The following NAV3 variants were observed in gnomAD, a reference collection of about 807,000 sequenced individuals.
NAV3 encodes the protein pore membrane and/or filament interacting like protein 1.
A neutral mutation model predicts 244.7 loss-of-function variants in NAV3; 87 were observed. That is an observed-to-expected ratio of 0.36 (90% CI 0.30 to 0.42). NAV3 has a LOEUF of 0.42. NAV3 is among the 20% of genes least tolerant of loss of function. The probability of loss-of-function intolerance (pLI) is 1.00; values close to 1 mark genes in which losing one functional copy is unlikely to be tolerated. For missense variants in NAV3, 2,663 were observed against 2,893.3 expected (o/e 0.92, Z 1.83); for synonymous variants, 1,126 against 1,042.2 (o/e 1.08, Z -1.55).
chr12:77,899,312 T>C (rs1884986406), intron 1 of NAV3, among the ~76,000 whole-genome samples: 1 of 152,228 alleles, frequency 6.6e-6, no homozygotes, highest in South Asian at 2.1e-4. Flanking sequence ...CATTGCATGC[T>C]GCAGAGAACT....
chr12:77,704,449 T>A (rs1168116904), intron 2 of NAV3, among the ~76,000 whole-genome samples: 1 of 152,186 alleles, frequency 6.6e-6, no homozygotes, highest in Non-Finnish European at 1.5e-5. Context: ...CAGCCCTGAT[T>A]CCTACTTGCT....
At chr12:77,732,306 G>A (rs902241014) in intron 2 of NAV3, among the ~76,000 whole-genome samples, 1 of 151,862 alleles carries the variant, frequency 6.6e-6, no homozygotes, top group Admixed American at 6.6e-5. Context: ...GACTTAAGAA[G>A]GGAGGTAGAC....
At chr12:78,160,208 C>T (rs550592255) in intron 23 of NAV3, among the ~76,000 whole-genome samples, 5 of 152,096 alleles carry the variant, frequency 3.3e-5, no homozygotes, top group South Asian at 4.2e-4. Context: ...AAGAAAGGAA[C>T]GGAGAATTTA....
chr12:77,736,291 C>T (rs896499800), intron 2 of NAV3, among the ~76,000 whole-genome samples: 9 of 152,304 alleles, frequency 5.9e-5, no homozygotes, highest in African/African-American at 2.2e-4. Context: ...CTTTCCGGAG[C>T]CAGAAGCAAA....
chr12:77,841,102 G>A (rs1052058883), intron 1 of NAV3, among the ~76,000 whole-genome samples: 24 of 152,140 alleles, frequency 1.6e-4, no homozygotes, highest in South Asian at 1.0e-3. Context: ...GATATCTGTG[G>A]TAGAGTTCAT....
At chr12:78,116,463 T>C (rs958978377) in intron 12 of NAV3, among the ~76,000 whole-genome samples, 1 of 152,192 alleles carries the variant, frequency 6.6e-6, no homozygotes, top group African/African-American at 2.4e-5. Context: ...AAGTCAGCTG[T>C]AATATTATTC....
At chr12:77,977,491 GA>G (rs1479654414) in intron 5 of NAV3, among the ~76,000 whole-genome samples, 1 of 61,144 alleles carries the variant, frequency 1.6e-5, no homozygotes, top group Admixed American at 2.0e-4. Context: ...GTAAAACCTG[GA>G]TATTAAAACT....
At chr12:78,168,687 A>C in intron 23 of NAV3, 68 bp from the exon 24 acceptor site, 2 of 998,912 alleles carry the variant, frequency 2.0e-6, no homozygotes, top group Non-Finnish European at 3.0e-6. Flanking sequence ...TTTTTAATTC[A>C]ACTATGAGCA....
intron 1 of NAV3, among the ~76,000 whole-genome samples, chr12:77,939,707 T>G (rs1889681353): frequency 6.6e-6 from 1 of 152,190 alleles, no homozygotes; most frequent in African/African-American, 2.4e-5. Flanking sequence ...CACTTCTGAA[T>G]TCTACATTGT....
intron 2 of NAV3, among the ~76,000 whole-genome samples, chr12:77,798,147 G>A (rs1304859953): frequency 6.8e-6 from 1 of 147,136 alleles, no homozygotes; most frequent in Non-Finnish European, 1.5e-5. Context: ...GGGCCACAGA[G>A]TGAGACCGTG....
chr12:78,187,011 T>C (rs897686274), intron 31 of NAV3, among the ~76,000 whole-genome samples: 1 of 151,914 alleles, frequency 6.6e-6, no homozygotes, highest in Non-Finnish European at 1.5e-5. Flanking sequence ...CATTTAATCC[T>C]AATTACCTCC....
chr12:77,681,105 A>G (rs1030769600), intron 2 of NAV3, among the ~76,000 whole-genome samples: 7 of 152,164 alleles, frequency 4.6e-5, no homozygotes, highest in Non-Finnish European at 8.8e-5. Context: ...TAGCAGCTTG[A>G]AGATAGCTTG....
At chr12:78,196,012 C>G (rs976859681) in intron 34 of NAV3, among the ~76,000 whole-genome samples, 1 of 152,070 alleles carries the variant, frequency 6.6e-6, no homozygotes, top group East Asian at 1.9e-4. Context: ...TTTTTGTATA[C>G]CCAGGGCTTG....
At chr12:77,717,496 A>G (rs1260083985) in intron 2 of NAV3, among the ~76,000 whole-genome samples, 3 of 152,104 alleles carry the variant, frequency 2.0e-5, no homozygotes, top group Non-Finnish European at 4.4e-5. Flanking sequence ...GTGTGCATAT[A>G]CTACATTTTC....
chr12:78,155,526 G>A (rs955235397), intron 22 of NAV3, among the ~76,000 whole-genome samples: 1 of 151,968 alleles, frequency 6.6e-6, no homozygotes, highest in African/African-American at 2.4e-5. Context: ...ATTCCTTTGG[G>A]TATATACCCA....
At chr12:77,790,330 GTAC>G (rs1299157866) in intron 2 of NAV3, among the ~76,000 whole-genome samples, 2 of 152,186 alleles carry the variant, frequency 1.3e-5, no homozygotes, top group Non-Finnish European at 2.9e-5. Flanking sequence ...TCTTTAGGTG[GTAC>G]TCAGTATGTC....
intron 2 of NAV3, among the ~76,000 whole-genome samples, chr12:77,731,477 G>C (rs954174030): frequency 1.3e-5 from 2 of 151,954 alleles, no homozygotes; most frequent in Non-Finnish European, 2.9e-5. Context: ...TATTTACCTA[G>C]TTAGTATAAC....
chr12:77,776,782 A>T (rs936615084), intron 2 of NAV3, among the ~76,000 whole-genome samples: 5 of 152,186 alleles, frequency 3.3e-5, no homozygotes, highest in African/African-American at 1.2e-4. Flanking sequence ...GGAGTTTGAG[A>T]CCAGCCTGAC....
At chr12:77,742,157 C>A (rs1215324321) in intron 2 of NAV3, among the ~76,000 whole-genome samples, 1 of 151,924 alleles carries the variant, frequency 6.6e-6, no homozygotes, top group Admixed American at 6.6e-5. Context: ...ACAAGTTGTC[C>A]TATTGCATAA....
Sources: allele counts gnomAD v4.1 joint callset (sites outside exome capture counted in the v4.1 genomes callset), GRCh38; gene constraint gnomAD v4.1.1; transcripts MANE v1.5; gene names NCBI Gene and HGNC (gene_info 2026-07-23, HGNC 2026-07-21).